Variants in AHCYL2 observed in about 807,000 individuals in gnomAD.
AHCYL2 encodes adenosylhomocysteinase like 2.
A neutral mutation model predicts 81.4 loss-of-function variants in AHCYL2; 28 were observed. That is an observed-to-expected ratio of 0.34 (90% CI 0.25 to 0.47). The LOEUF (loss-of-function observed/expected upper bound fraction) is 0.47. Among genes scored for constraint, AHCYL2 ranks in the 20% least tolerant of loss-of-function variants. The pLI is 1.00. For missense variants in AHCYL2, 551 were observed against 785.1 expected (o/e 0.70, Z 3.56); for synonymous variants, 272 against 290.2 (o/e 0.94, Z 0.64).
At chr7:129,343,676 T>C (rs1006610054) in intron 1 of AHCYL2, among the ~76,000 whole-genome samples, 6 of 152,110 alleles carry the variant, frequency 3.9e-5, no homozygotes, top group Non-Finnish European at 8.8e-5. Flanking sequence ...ATTCCAAGTA[T>C]AGAAGTTAAC....
intron 1 of AHCYL2, among the ~76,000 whole-genome samples, chr7:129,270,031 T>A (rs1457197636): frequency 6.6e-6 from 1 of 152,250 alleles, no homozygotes; most frequent in Non-Finnish European, 1.5e-5. Context: ...TGGGCCTTCC[T>A]TATTCCTGCG....
intron 1 of AHCYL2, among the ~76,000 whole-genome samples, chr7:129,335,694 G>A (rs1217049869): frequency 1.3e-5 from 2 of 152,188 alleles, no homozygotes; most frequent in Non-Finnish European, 2.9e-5. Context: ...CAGTCAGAGT[G>A]TCTGCATGTA....
chr7:129,272,978 G>A (rs1018927820), intron 1 of AHCYL2, among the ~76,000 whole-genome samples: 5 of 151,942 alleles, frequency 3.3e-5, no homozygotes, highest in African/African-American at 9.7e-5. Flanking sequence ...GGTGCTCACT[G>A]CAACCTCTGC....
intron 1 of AHCYL2, among the ~76,000 whole-genome samples, chr7:129,315,643 A>G (rs1797804530): frequency 1.3e-5 from 2 of 152,230 alleles, no homozygotes; most frequent in Non-Finnish European, 2.9e-5. Context: ...GGCAAAAGCT[A>G]TGTATTTACC....
chr7:129,369,698 G>A (rs1794286892), intron 1 of AHCYL2, among the ~76,000 whole-genome samples: 1 of 151,848 alleles, frequency 6.6e-6, no homozygotes, highest in Non-Finnish European at 1.5e-5. Context: ...GATTACAGGT[G>A]TGCACCACCA....
intron 1 of AHCYL2, among the ~76,000 whole-genome samples, chr7:129,371,032 C>G (rs947482731): frequency 1.3e-5 from 2 of 152,176 alleles, no homozygotes; most frequent in African/African-American, 2.4e-5. Flanking sequence ...CTCTGAGCAC[C>G]CTCTAGTGTA....
chr7:129,416,857 C>T (rs1481407430), intron 12 of AHCYL2, among the ~76,000 whole-genome samples: 2 of 151,926 alleles, frequency 1.3e-5, no homozygotes, highest in African/African-American at 4.8e-5. Flanking sequence ...GTGGTGGGCG[C>T]CTGTAATCCC....
At chr7:129,258,983 G>A (rs1795524669) in intron 1 of AHCYL2, among the ~76,000 whole-genome samples, 1 of 152,076 alleles carries the variant, frequency 6.6e-6, no homozygotes, top group South Asian at 2.1e-4. Flanking sequence ...CCTGCTCCTT[G>A]GACACCATCA....
intron 1 of AHCYL2, among the ~76,000 whole-genome samples, chr7:129,274,202 C>T (rs1232053090): frequency 2.0e-5 from 3 of 152,120 alleles, no homozygotes; most frequent in Non-Finnish European, 4.4e-5. Flanking sequence ...GTCTATTGTG[C>T]TTATCTTAAG....
chr7:129,227,081 T>C (rs565023298), intron 1 of AHCYL2, among the ~76,000 whole-genome samples: 1 of 152,332 alleles, frequency 6.6e-6, no homozygotes, highest in Non-Finnish European at 1.5e-5. Context: ...CATTACTACC[T>C]TTTGGGTAAT....
intron 1 of AHCYL2, among the ~76,000 whole-genome samples, chr7:129,330,255 C>T (rs1401067046): frequency 6.6e-6 from 1 of 152,214 alleles, no homozygotes; most frequent in East Asian, 1.9e-4. Context: ...ACCTTGGCCT[C>T]CCAAAGTACT....
In AHCYL2 at chr7:129,406,297, G is replaced by C. The variant is rs1484723766; in HGVS notation, c.1207-81G>C. The C allele has an allele frequency of 3.2e-6, 4 of 1,244,394 alleles. No individual in the cohort carries two copies. The African/African-American group carries it at 5.9e-5, about 18-fold the overall frequency. 77.1% of individuals were successfully genotyped at this position (1,244,394 alleles called of 1,614,324 possible). ...GAAATTCCTCTCGGGGGTGGAAAGA[G>C]GGGGTGCACTTTACCAGAAGCTTTG... On this transcript the variant is annotated intron_variant, in intron 9 of 16. Transcript: ENST00000325006. This position sits in a 1 kb window ranked among gnomAD's most constrained non-coding sequence, Gnocchi z 4.3.
At chr7:129,315,829 G>A (rs369308541) in intron 1 of AHCYL2, among the ~76,000 whole-genome samples, 3 of 152,278 alleles carry the variant, frequency 2.0e-5, no homozygotes, top group East Asian at 3.9e-4. Flanking sequence ...AGTAGAGAGG[G>A]GAGAAAATGG....
chr7:129,242,398 C>T (rs1374140237), intron 1 of AHCYL2, among the ~76,000 whole-genome samples: 1 of 150,874 alleles, frequency 6.6e-6, no homozygotes, highest in African/African-American at 2.4e-5. Context: ...GTGAGAGTTT[C>T]TCCAGGATGT....
chr7:129,366,665 A>G (rs1794129769), intron 1 of AHCYL2, among the ~76,000 whole-genome samples: 1 of 151,346 alleles, frequency 6.6e-6, no homozygotes. Flanking sequence ...AATCCCAGCT[A>G]CTCGGGAGGC....
In AHCYL2 at chr7:129,368,338, C is replaced by A. The variant is rs865924323; in HGVS notation, c.364-11300C>A. On this transcript the variant is annotated intron_variant, in intron 1 of 16. Transcript: ENST00000325006. This position sits in a 1 kb window ranked among gnomAD's most constrained non-coding sequence, Gnocchi z 4.4. ...GTTGACTAATGCTCTTGATTTGAAT[C>A]GGAGGCTGCTGTGAAAAGGGATGCA... 6 of 1,458,790 alleles carry A rather than the reference C, an allele frequency of 4.1e-6. No individual in the cohort carries two copies. The Admixed American group carries it at 8.1e-5, about 20-fold the overall frequency. The allele number at this position is 1,458,790 out of a possible 1,614,324, so 90.4% of individuals were successfully genotyped here. A position where few individuals can be genotyped will look rare whatever the true frequency, so the allele number is the denominator to read the frequency against.
At chr7:129,268,636 G>GC (rs1283692557) in intron 1 of AHCYL2, among the ~76,000 whole-genome samples, 1 of 152,208 alleles carries the variant, frequency 6.6e-6, no homozygotes, top group East Asian at 1.9e-4. Context: ...ATAGGCGTGA[G>GC]CCACTGCACC....
chr7:129,242,681 C>G (rs1376377699), intron 1 of AHCYL2, among the ~76,000 whole-genome samples: 1 of 150,290 alleles, frequency 6.7e-6, no homozygotes, highest in Non-Finnish European at 1.5e-5. Flanking sequence ...CGTGCCATTG[C>G]ACTCCACCTG....
intron 2 of AHCYL2, chr7:129,388,853 G>A (rs894075134): frequency 1.3e-4 from 65 of 514,542 alleles, no homozygotes; most frequent in Non-Finnish European, 2.0e-4. Context: ...TACATTTCAA[G>A]TTAAGGCTAT....
Sources: allele counts gnomAD v4.1 joint callset (sites outside exome capture counted in the v4.1 genomes callset), GRCh38; gene constraint gnomAD v4.1.1; non-coding constraint Gnocchi (gnomAD v3.1); transcripts MANE v1.5; gene names NCBI Gene and HGNC (gene_info 2026-07-23, HGNC 2026-07-21).